The following GPC5 variants were observed in gnomAD, a reference collection of about 807,000 sequenced individuals.
GPC5 encodes the protein glypican 5.
A neutral mutation model predicts 53.9 loss-of-function variants in GPC5; 47 were observed. That is an observed-to-expected ratio of 0.87 (90% CI 0.69 to 1.11). The LOEUF is 1.11. Among genes scored for constraint, GPC5 ranks in the 50% most tolerant of loss-of-function variants. GPC5 has a pLI of 0.00. For missense variants in GPC5, 748 were observed against 713.1 expected (o/e 1.05, Z -0.56); for synonymous variants, 286 against 263.3 (o/e 1.09, Z -0.84).
intron 5 of GPC5, among the ~76,000 whole-genome samples, chr13:91,807,229 A>G (rs1393502498): frequency 6.6e-6 from 1 of 152,174 alleles, no homozygotes; most frequent in Non-Finnish European, 1.5e-5. Context: ...CTTTTTTGAT[A>G]TGATACAGAT....
chr13:92,640,290 T>C (rs1445689070), intron 7 of GPC5, among the ~76,000 whole-genome samples: 1 of 152,014 alleles, frequency 6.6e-6, no homozygotes, highest in East Asian at 1.9e-4. Context: ...GACTGAGTCT[T>C]GCTCTGTCAC....
intron 6 of GPC5, among the ~76,000 whole-genome samples, chr13:92,095,268 TCTC>T (rs2041413094): frequency 1.3e-5 from 2 of 152,288 alleles, no homozygotes; most frequent in African/African-American, 2.4e-5. Flanking sequence ...TAGTACCAAT[TCTC>T]CTTTTTTCGT....
chr13:91,861,160 A>G (rs374070253), intron 5 of GPC5, among the ~76,000 whole-genome samples: 3 of 152,316 alleles, frequency 2.0e-5, no homozygotes, highest in East Asian at 3.9e-4. Context: ...TGATGCTTTC[A>G]ATACACAAGA....
intron 7 of GPC5, among the ~76,000 whole-genome samples, chr13:92,442,088 A>G (rs1812922140): frequency 6.6e-6 from 1 of 152,226 alleles, no homozygotes; most frequent in South Asian, 2.1e-4. Context: ...GTGAAGTGAA[A>G]TCTCGAGACA....
intron 6 of GPC5, among the ~76,000 whole-genome samples, chr13:92,089,441 T>A (rs2138893476): frequency 6.6e-6 from 1 of 152,126 alleles, no homozygotes; most frequent in East Asian, 1.9e-4. Context: ...CTCAAAAAAA[T>A]AAATAAATAA....
At chr13:91,481,499 G>A (rs1371064422) in intron 2 of GPC5, among the ~76,000 whole-genome samples, 1 of 152,188 alleles carries the variant, frequency 6.6e-6, no homozygotes, top group African/African-American at 2.4e-5. Flanking sequence ...TTGTACGACT[G>A]TAAACCCAAT....
At chr13:92,439,516 G>A (rs777002523) in intron 7 of GPC5, among the ~76,000 whole-genome samples, 3 of 152,046 alleles carry the variant, frequency 2.0e-5, no homozygotes, top group Non-Finnish European at 4.4e-5. Flanking sequence ...AGAGTTGGAG[G>A]AACATTCCAA....
At chr13:92,186,940 C>T (rs993273567) in intron 7 of GPC5, among the ~76,000 whole-genome samples, 17 of 152,062 alleles carry the variant, frequency 1.1e-4, no homozygotes, top group African/African-American at 2.9e-4. Flanking sequence ...GGCAAAACCC[C>T]GTCTCTACTG....
chr13:92,221,752 T>G (rs557268017), intron 7 of GPC5, among the ~76,000 whole-genome samples: 1 of 152,270 alleles, frequency 6.6e-6, no homozygotes, highest in Admixed American at 6.5e-5. Context: ...ATGCAACCTT[T>G]CTTCATTGTA....
intron 6 of GPC5, among the ~76,000 whole-genome samples, chr13:92,140,720 T>C (rs1309164613): frequency 2.0e-5 from 3 of 152,046 alleles, no homozygotes; most frequent in Non-Finnish European, 4.4e-5. Context: ...GAAAATAATA[T>C]GGTGGTAGTG....
chr13:91,878,608 G>A (rs1217249850), intron 5 of GPC5, among the ~76,000 whole-genome samples: 2 of 152,082 alleles, frequency 1.3e-5, no homozygotes, highest in African/African-American at 4.8e-5. Context: ...TCATGGGGGT[G>A]GTTGTCCCTA....
intron 6 of GPC5, among the ~76,000 whole-genome samples, chr13:92,072,565 C>G (rs1295662660): frequency 8.1e-6 from 1 of 123,120 alleles, no homozygotes; most frequent in African/African-American, 3.0e-5. Flanking sequence ...TGCCTGGCCA[C>G]TAAATTTTTT....
At chr13:91,877,300 C>G (rs1594635036) in intron 5 of GPC5, among the ~76,000 whole-genome samples, 1 of 152,152 alleles carries the variant, frequency 6.6e-6, no homozygotes, top group Non-Finnish European at 1.5e-5. Context: ...CGACAGTTTG[C>G]ACAGTGCACC....
At chr13:92,818,773 C>T (rs979435509) in intron 7 of GPC5, among the ~76,000 whole-genome samples, 7 of 151,852 alleles carry the variant, frequency 4.6e-5, no homozygotes, top group African/African-American at 4.9e-5. Context: ...GAACTTCCAC[C>T]GTTCAAGTGT....
At chr13:92,570,373 ATCAAG>A (rs1882988313) in intron 7 of GPC5, among the ~76,000 whole-genome samples, 1 of 152,118 alleles carries the variant, frequency 6.6e-6, no homozygotes, top group Non-Finnish European at 1.5e-5. Context: ...TTAAAAATTG[ATCAAG>A]TCAATTATGA....
chr13:91,476,071 G>A (rs1882911972), intron 2 of GPC5, among the ~76,000 whole-genome samples: 1 of 152,180 alleles, frequency 6.6e-6, no homozygotes, highest in South Asian at 2.1e-4. Flanking sequence ...ATTGTTTGAT[G>A]GCTTTTTCAA....
At chr13:91,815,842 A>C (rs1275003194) in intron 5 of GPC5, among the ~76,000 whole-genome samples, 16 of 152,204 alleles carry the variant, frequency 1.1e-4, no homozygotes, top group Admixed American at 1.0e-3. Flanking sequence ...ATTCAAATGA[A>C]GTGGCCTCTT....
chr13:91,962,545 T>C (rs2139076937), intron 6 of GPC5, among the ~76,000 whole-genome samples: 1 of 152,186 alleles, frequency 6.6e-6, no homozygotes, highest in Middle Eastern at 3.4e-3. Context: ...TTGGGGAGGG[T>C]TGTTGCACAG....
intron 2 of GPC5, among the ~76,000 whole-genome samples, chr13:91,630,222 A>G (rs2034120866): frequency 6.6e-6 from 1 of 152,196 alleles, no homozygotes; most frequent in Admixed American, 6.5e-5. Flanking sequence ...CCTCTTTGGA[A>G]GACTAACTTC....
Sources: gnomAD v4.1 joint callset for allele counts (sites outside exome capture counted in the v4.1 genomes callset) on GRCh38, gnomAD v4.1.1 for gene constraint, MANE v1.5 for transcripts, NCBI Gene and HGNC (gene_info 2026-07-23, HGNC 2026-07-21) for gene names.